PLD5: variants seen among roughly 807,000 people sequenced by gnomAD.
PLD5 encodes inactive phospholipase D5.
PLD5 carries 36 observed loss-of-function variants against 61.1 expected under a neutral mutation model. The observed-to-expected ratio is 0.59, with a 90% CI of 0.45 to 0.78. PLD5 has a LOEUF of 0.78. Among genes scored for constraint, PLD5 ranks in the 30% least tolerant of loss-of-function variants. The pLI, the probability that PLD5 is intolerant of heterozygous loss-of-function variation, is 0.00. For synonymous variants in PLD5, 243 were observed against 242.8 expected (o/e 1.00, Z -0.01); for missense variants, 515 against 644.4 (o/e 0.80, Z 2.17).
intron 5 of PLD5, among the ~76,000 whole-genome samples, chr1:242,133,808 C>G (rs1255507540): frequency 6.6e-6 from 1 of 152,136 alleles, no homozygotes; most frequent in Non-Finnish European, 1.5e-5. Context: ...AGTAGAGTAA[C>G]TGGAGAATAT....
intron 4 of PLD5, among the ~76,000 whole-genome samples, chr1:242,226,381 C>T (rs903008041): frequency 6.6e-6 from 1 of 152,180 alleles, no homozygotes; most frequent in African/African-American, 2.4e-5. Flanking sequence ...CTCCTACTTT[C>T]GGCCCCGCAG....
At chr1:242,161,431 T>C (rs1172046218) in intron 5 of PLD5, among the ~76,000 whole-genome samples, 2 of 151,630 alleles carry the variant, frequency 1.3e-5, no homozygotes, top group Admixed American at 1.3e-4. Flanking sequence ...TATCATCTAT[T>C]TACAGCTATA....
rs575641310 is a variant in PLD5, at chr1:242,373,469, T to C, written c.190-25227A>G. Among the ~76,000 whole-genome samples the C allele has an allele frequency of 5.1e-4, 78 of 152,332 alleles. 1 individual carries two copies. The highest frequency in any genetic ancestry group is 1.9e-3 in the African/African-American group (78 of 41,590). On this transcript the variant is annotated intron_variant, in intron 1 of 9. Transcript: ENST00000536534. ...TACTGGGTATATACCCAAAGGATTT[T>C]AAATCATGCTGCTATAAAGACACAT...
intron 1 of PLD5, among the ~76,000 whole-genome samples, chr1:242,513,158 G>A (rs1320186285): frequency 6.6e-6 from 1 of 152,094 alleles, no homozygotes. Flanking sequence ...GGGATTACAG[G>A]CCTGAGTCAC....
intron 5 of PLD5, among the ~76,000 whole-genome samples, chr1:242,128,536 C>G (rs1662983211): frequency 6.6e-6 from 1 of 152,204 alleles, no homozygotes; most frequent in Non-Finnish European, 1.5e-5. Context: ...CACGTTCAGG[C>G]TGCTGTTGAA....
intron 1 of PLD5, among the ~76,000 whole-genome samples, chr1:242,508,619 A>G (rs1246856780): frequency 6.6e-6 from 1 of 152,186 alleles, no homozygotes; most frequent in African/African-American, 2.4e-5. Context: ...TTTTGCCTGA[A>G]TATGTTTTCC....
chr1:242,218,815 A>G (rs1430774782), intron 5 of PLD5, among the ~76,000 whole-genome samples: 1 of 152,188 alleles, frequency 6.6e-6, no homozygotes, highest in African/African-American at 2.4e-5. Flanking sequence ...TTACTTACCT[A>G]TGTCTCAGCT....
rs1329137792 is a variant in PLD5, at chr1:242,256,673, G to GA, written c.607+8663dup. Among the ~76,000 whole-genome samples, 5 of 152,216 alleles carry GA rather than the reference G, an allele frequency of 3.3e-5. No homozygotes were observed. In the East Asian group the frequency reaches 9.6e-4, roughly 29 times the overall value. On this transcript the variant is annotated intron_variant, in intron 4 of 9. Coordinates refer to ENST00000536534, the MANE Select transcript of PLD5 (RefSeq NM_001372062.1). The surrounding 1 kb of genome is among the most constrained non-coding windows in gnomAD (Gnocchi z 5.7). ...TTAAACTTCCAGACCCCAGAACTGT[G>GA]AAAAAATAAGTGGCTGTTCTTTATA...
intron 5 of PLD5, among the ~76,000 whole-genome samples, chr1:242,128,398 CCT>C (rs1662969688): frequency 6.6e-6 from 1 of 150,528 alleles, no homozygotes; most frequent in Admixed American, 6.6e-5. Flanking sequence ...GGATGTTTGC[CCT>C]CTCTACTGAG....
intron 5 of PLD5, among the ~76,000 whole-genome samples, chr1:242,156,052 C>T (rs1054088283): frequency 2.0e-5 from 3 of 152,046 alleles, no homozygotes; most frequent in Admixed American, 6.6e-5. Context: ...GGTGCATATA[C>T]GTTTAGGACA....
rs950337839 is a variant in PLD5, at chr1:242,394,908, A to T, written c.190-46666T>A. 6.1e-5 allele frequency among the ~76,000 whole-genome samples: 8 copies of T among 130,244 alleles called. 1 individual carries two copies. Among genetic ancestry groups the T allele is most frequent in the Non-Finnish European group, 1.1e-4 (7 of 65,038 alleles). The allele number at this position is 130,244 out of a possible 152,430, so 85.4% of individuals were successfully genotyped here. The stretch of plus-strand genomic sequence containing the variant: ...TATGTATATATATGATTATATATGA[A>T]TATATATGTATATATGTATACATTA... On this transcript the variant is annotated intron_variant, in intron 1 of 9. Coordinates refer to ENST00000536534, the MANE Select transcript of PLD5 (RefSeq NM_001372062.1).
At chr1:242,206,661 G>A (rs921217837) in intron 5 of PLD5, among the ~76,000 whole-genome samples, 1 of 152,184 alleles carries the variant, frequency 6.6e-6, no homozygotes, top group African/African-American at 2.4e-5. Flanking sequence ...AAAATCATAA[G>A]GGAAAATATA....
intron 1 of PLD5, among the ~76,000 whole-genome samples, chr1:242,487,657 G>A (rs1668007291): frequency 6.6e-6 from 1 of 152,020 alleles, no homozygotes; most frequent in South Asian, 2.1e-4. Flanking sequence ...TGATGGACTG[G>A]TATCTAAAAT....
intron 5 of PLD5, among the ~76,000 whole-genome samples, chr1:242,125,514 G>A (rs1188997422): frequency 6.6e-6 from 1 of 152,146 alleles, no homozygotes; most frequent in Non-Finnish European, 1.5e-5. Flanking sequence ...AGCTATACTG[G>A]CTTCAGTTGA....
intron 1 of PLD5, among the ~76,000 whole-genome samples, chr1:242,449,175 A>C (rs1666678871): frequency 6.6e-6 from 1 of 152,146 alleles, no homozygotes; most frequent in African/African-American, 2.4e-5. Context: ...ATCATTTTTC[A>C]AAAAATCAGT....
At chr1:242,128,173 C>G (rs1310590690) in intron 5 of PLD5, among the ~76,000 whole-genome samples, 1 of 152,096 alleles carries the variant, frequency 6.6e-6, no homozygotes, top group African/African-American at 2.4e-5. Context: ...GGTGTGGAGG[C>G]ACAAATCTGT....
rs1360568161 is a variant in PLD5 at position 242,084,278 on chromosome 1, G to A, written c.*5576C>T. ...ACTCAAAGTTCACTTTTAAGCCTTTGCTAACCTCTCCAATGATAGTTTTTT... is the reference window on the plus strand; with the variant it reads ...ACTCAAAGTTCACTTTTAAGCCTTTACTAACCTCTCCAATGATAGTTTTTT... On this transcript the variant is annotated 3_prime_UTR_variant, in exon 10 of 10. Transcript: ENST00000536534. 1 of 150,750 alleles carries A rather than the reference G, an allele frequency of 6.6e-6. No individual in the cohort carries two copies. Among genetic ancestry groups the A allele is most frequent in the Non-Finnish European group, 1.5e-5 (1 of 67,684 alleles). The allele number at this position is 150,750 out of a possible 1,614,324, so 9.3% of individuals were successfully genotyped here.
intron 1 of PLD5, among the ~76,000 whole-genome samples, chr1:242,478,193 G>A (rs1375962194): frequency 2.6e-5 from 4 of 152,220 alleles, no homozygotes; most frequent in Non-Finnish European, 4.4e-5. Flanking sequence ...GCTAGCCGGA[G>A]TCTTTCCACT....
chr1:242,516,250 T>TTATATATATATATATATATATATATA (rs57043354), intron 1 of PLD5, among the ~76,000 whole-genome samples: 2 of 138,618 alleles, frequency 1.4e-5, no homozygotes, highest in African/African-American at 5.4e-5. Context: ...TAAAGTTAAA[T>TTATATATATATATATATATATATATA]TATATATATA....
Sources: allele counts gnomAD v4.1 joint callset (sites outside exome capture counted in the v4.1 genomes callset), GRCh38; gene constraint gnomAD v4.1.1; non-coding constraint Gnocchi (gnomAD v3.1); transcripts MANE v1.5; gene names NCBI Gene and HGNC (gene_info 2026-07-23, HGNC 2026-07-21).